SMARCB1: variants seen among roughly 807,000 people sequenced by gnomAD.
The protein encoded by SMARCB1 is SWI/SNF-related matrix-associated actin-dependent regulator of chromatin subfamily B member 1.
SMARCB1 carries 5 observed loss-of-function variants against 49.0 expected under a neutral mutation model. The observed-to-expected ratio is 0.10, with a 90% CI of 0.05 to 0.21. The LOEUF is 0.21. SMARCB1 is among the 10% of genes least tolerant of loss of function. SMARCB1 has a pLI of 1.00. For missense variants in SMARCB1, 226 were observed against 509.2 expected (o/e 0.44, Z 5.35); for synonymous variants, 201 against 200.1 (o/e 1.00, Z -0.04).
rs1928547155 is a variant in SMARCB1 at position 23,793,671 on chromosome 22, G to A, written c.345G>A (p.Glu115=). ...ACAAGGCTGTGTCCATCAGCACAGA[G>A]CCCCCCACCTACCTCAGGTAATGCG... ...EKYKAVSIST[E]PPTYLREQKA... is the part of the protein sequence containing the mutation. The change falls in exon 3 of 9, where the codon GAG becomes GAA. Residue 115 remains glutamate, a synonymous_variant. Transcript: ENST00000644036. The A allele has an allele frequency of 3.1e-6, 5 of 1,613,994 alleles. No homozygotes were observed. The African/African-American group carries it at 4.0e-5, about 13-fold the overall frequency.
In SMARCB1 at chr22:23,791,660, CCTGT is replaced by C. The variant is rs1224373680; in HGVS notation, c.94-95_94-92del. The C allele has an allele frequency of 7.3e-6, 9 of 1,236,218 alleles. No individual in the cohort carries two copies. The East Asian group carries it at 2.1e-4, about 29-fold the overall frequency. The allele number at this position is 1,236,218 out of a possible 1,614,324, so 76.6% of individuals were successfully genotyped here. The stretch of plus-strand genomic sequence containing the variant: ...GTGGCGCCTGGGGGCCACCTCAAGG[CCTGT>C]TTGTCTGTTGCTTGATGCAGTCTGC... On this transcript the variant is annotated intron_variant, in intron 1 of 8. Transcript: ENST00000644036.
chr22:23,832,158 T>C (rs2030689582), intron 7 of SMARCB1, among the ~76,000 whole-genome samples: 1 of 151,892 alleles, frequency 6.6e-6, no homozygotes, highest in South Asian at 2.1e-4. Flanking sequence ...TGCTCACTGG[T>C]GTGGATGTGC....
Position 23,793,482 on chromosome 22 carries a change from T to C in SMARCB1, c.233-77T>C. Reference sequence around the variant, plus strand: ...CACCTCCCGCATGCGAGGACCTTGATGTGCTGCATCCACTTGGCTGGCTGC... The same window carrying C: ...CACCTCCCGCATGCGAGGACCTTGACGTGCTGCATCCACTTGGCTGGCTGC... On this transcript the variant is annotated intron_variant, in intron 2 of 8. Transcript: ENST00000644036. 5 of 1,489,726 alleles carry C rather than the reference T, an allele frequency of 3.4e-6. No individual in the cohort carries two copies. In the East Asian group the frequency reaches 9.0e-5, roughly 27 times the overall value. 92.3% of individuals were successfully genotyped at this position (1,489,726 alleles called of 1,614,324 possible).
rs1568963596 is a variant in SMARCB1 at position 23,834,142 on chromosome 22, C to A, written c.1120C>A (p.Arg374=). 3.1e-6 allele frequency: 5 copies of A among 1,590,376 alleles called. No homozygotes were observed. The highest frequency in any genetic ancestry group is 4.3e-6 in the Non-Finnish European group (5 of 1,168,738). ...TTGCCCTCCCCACTCCTCTTCCAGG[C>A]GGATGAGGCGTCTTGCCAACACGGC... ...KIRDQDRNTR[R]MRRLANTAPA... Residue 374 remains arginine (R), a splice_region_variant and synonymous_variant, in exon 9 of 9, where the codon CGG becomes AGG. Transcript: ENST00000644036.
chr22:23,801,605 C>T (rs1568942097), intron 4 of SMARCB1: 3 of 347,462 alleles, frequency 8.6e-6, no homozygotes, highest in Non-Finnish European at 1.7e-5. Flanking sequence ...GCGATTCGGT[C>T]CTTGCTTCTT....
intron 3 of SMARCB1, among the ~76,000 whole-genome samples, chr22:23,798,575 G>A (rs1240232349): frequency 6.6e-6 from 1 of 152,064 alleles, no homozygotes; most frequent in Non-Finnish European, 1.5e-5. Flanking sequence ...CCCTACCAGC[G>A]ATCAAGGGGT....
intron 3 of SMARCB1, among the ~76,000 whole-genome samples, chr22:23,797,154 T>A (rs1411983284): frequency 4.3e-5 from 6 of 138,982 alleles, no homozygotes; most frequent in Admixed American, 7.2e-5. Context: ...GCCCGCCACC[T>A]CGCCCGGCTA....
chr22:23,822,957 CTTTTTTTTTTTTTTTTTTTTTTTTTTT>C (rs58056758), intron 6 of SMARCB1, among the ~76,000 whole-genome samples: 1 of 72,688 alleles, frequency 1.4e-5, no homozygotes, highest in Non-Finnish European at 2.7e-5. Context: ...ACCAGCATAG[CTTTTTTTTTTTTTTTTTTTTTTTTTTT>C]TTTTTTTTTT....
rs2030894315 is a variant in SMARCB1 at position 23,834,695 on chromosome 22, C to G, written c.*515C>G. 1.6e-6 allele frequency: 2 copies of G among 1,275,212 alleles called. No individual in the cohort carries two copies. The highest frequency in any genetic ancestry group is 2.1e-6 in the Non-Finnish European group (2 of 941,630). The allele number at this position is 1,275,212 out of a possible 1,614,324, so 79.0% of individuals were successfully genotyped here. A position where few individuals can be genotyped will look rare whatever the true frequency, so the allele number is the denominator to read the frequency against. ...GTGAATGGGGCTCCGGGTAGCACCT[C>G]AGCTCCTCTCAGCTCCCCTCAGCCT... is the stretch of plus-strand genomic sequence containing the variant. On this transcript the variant is annotated 3_prime_UTR_variant, in exon 9 of 9. Coordinates refer to ENST00000644036, the MANE Select transcript of SMARCB1 (RefSeq NM_003073.5).
rs1216753891 is a variant in SMARCB1, at chr22:23,791,726, T to C, written c.94-30T>C. The C allele has an allele frequency of 2.5e-6, 4 of 1,611,920 alleles. No homozygotes were observed. In the African/African-American group the frequency reaches 4.0e-5, roughly 16 times the overall value. On this transcript the variant is annotated intron_variant, in intron 1 of 8. Transcript: ENST00000644036. ...CCCCTTCCCTGTGGTGCTGCGACCCTTATAATGAGCCTTCTTGCTTTACTC... is the reference window on the plus strand; with the variant it reads ...CCCCTTCCCTGTGGTGCTGCGACCCCTATAATGAGCCTTCTTGCTTTACTC...
rs1427732132 is a variant in SMARCB1, at chr22:23,837,133, T to C, written c.*2953T>C. ...GGGGAAGACGTCCTCCAGGAAGTAG[T>C]AGATATGGCCCACCGCAATCCCTGT... On this transcript the variant is annotated 3_prime_UTR_variant, in exon 9 of 9. Coordinates refer to ENST00000644036, the MANE Select transcript of SMARCB1 (RefSeq NM_003073.5). 4 of 1,613,878 alleles carry C rather than the reference T, an allele frequency of 2.5e-6. No homozygotes were observed. The highest frequency in any genetic ancestry group is 2.2e-5 in the East Asian group (1 of 44,850).
At position 23,787,249 on chromosome 22, in the gene SMARCB1, T is replaced by C. The variant is rs763994045; in HGVS notation, c.80T>C (p.Met27Thr). ...CTGGAGGACGACGGCGAGTTCTACA[T>C]GATCGGCTCCGAGGTAGCCCGGGGC... ...FQLEDDGEFY[M>T]IGSEVGNYLR... The change falls in exon 1 of 9, where the codon ATG (methionine) becomes ACG (threonine). Residue 27 changes from methionine to threonine, a missense_variant. Coordinates refer to ENST00000644036, the MANE Select transcript of SMARCB1 (RefSeq NM_003073.5). The C allele has an allele frequency of 1.2e-6, 2 of 1,601,440 alleles. No homozygotes were observed. The highest frequency in any genetic ancestry group is 1.1e-5 in the South Asian group (1 of 90,278).
In SMARCB1 at chr22:23,834,275, C is replaced by T. The variant is rs2030850517; in HGVS notation, c.*95C>T. On this transcript the variant is annotated 3_prime_UTR_variant, in exon 9 of 9. Transcript: ENST00000644036. ...CAAGGACAGAGGCGAGGGGACAGCC[C>T]AGCGCCATCCTGAGGATCGGGTGGG... 3.7e-6 allele frequency: 5 copies of T among 1,352,422 alleles called. No individual in the cohort carries two copies. The highest frequency in any genetic ancestry group is 5.1e-6 in the Non-Finnish European group (5 of 972,328). The allele number at this position is 1,352,422 out of a possible 1,614,324, so 83.8% of individuals were successfully genotyped here.
At position 23,801,389 on chromosome 22, in the gene SMARCB1, C is replaced by G. The variant is rs1461142512; in HGVS notation, c.500+308C>G. The G allele has an allele frequency of 6.0e-6, 4 of 664,846 alleles. No homozygotes were observed. In the Admixed American group the frequency reaches 8.2e-5, roughly 14 times the overall value. 41.2% of individuals were successfully genotyped at this position (664,846 alleles called of 1,614,324 possible). On this transcript the variant is annotated intron_variant, in intron 4 of 8. Transcript: ENST00000644036. ...TCAGTTTCACATGAGTGGGCCACAG[C>G]CAGTCTGATGGTGCAGATGCCATCC...
At chr22:23,787,284 C>G in intron 1 of SMARCB1, 22 bp downstream of exon 1, 1 of 1,484,614 alleles carries the variant, frequency 6.7e-7, no homozygotes, top group Admixed American at 1.7e-5. Flanking sequence ...CGCGTTCTCG[C>G]CCTCCCCGGG....
intron 5 of SMARCB1, chr22:23,816,466 C>G: frequency 1.8e-6 from 1 of 554,980 alleles, no homozygotes; most frequent in Admixed American, 3.1e-5. Flanking sequence ...TCGCCTGGAT[C>G]ATCTCATTAG....
At chr22:23,791,605 A>G (rs1928378668) in intron 1 of SMARCB1, 151 bp from the exon 2 acceptor site, 1 of 780,252 alleles carries the variant, frequency 1.3e-6, no homozygotes, top group Non-Finnish European at 2.3e-6. Flanking sequence ...CCTTCATATC[A>G]GCAGAATGTG....
chr22:23,814,439 GC>G (rs1178525027), intron 5 of SMARCB1, among the ~76,000 whole-genome samples: 1 of 152,194 alleles, frequency 6.6e-6, no homozygotes, highest in Non-Finnish European at 1.5e-5. Context: ...GCTGAGGTGG[GC>G]AGATCACCTG....
rs1054582829 is a variant in SMARCB1 at position 23,796,048 on chromosome 22, C to T, written c.362+2360C>T. On this transcript the variant is annotated intron_variant, in intron 3 of 8. Transcript: ENST00000644036. ...CCTCAGGTAATCCTCCCGCCTCGGC[C>T]TCCCAAAGTGGTGGGATTACAGGTG... Among the ~76,000 whole-genome samples the T allele has an allele frequency of 2.6e-5, 4 of 152,122 alleles. No homozygotes were observed. The South Asian group carries it at 8.3e-4, about 32-fold the overall frequency.
Sources: allele counts gnomAD v4.1 joint callset (sites outside exome capture counted in the v4.1 genomes callset), GRCh38; gene constraint gnomAD v4.1.1; transcripts MANE v1.5; gene names NCBI Gene and HGNC (gene_info 2026-07-23, HGNC 2026-07-21).